PDZD2: variants seen among roughly 807,000 people sequenced by gnomAD.
The protein encoded by PDZD2 is PDZ domain containing 2.
In PDZD2, 90 loss-of-function variants were observed where a neutral mutation model predicts 220.7. That is an observed-to-expected ratio of 0.41 (90% CI 0.34 to 0.49). The LOEUF is 0.49. Among genes scored for constraint, PDZD2 ranks in the 20% least tolerant of loss-of-function variants. PDZD2 has a pLI of 0.28. For missense variants in PDZD2, 3,174 were observed against 3,608.5 expected (o/e 0.88, Z 3.08); for synonymous variants, 1,375 against 1,450.5 (o/e 0.95, Z 1.18).
chr5:31,844,095 C>A (rs1257190259), intron 2 of PDZD2: 1 of 152,106 alleles, frequency 6.6e-6, no homozygotes, highest in Non-Finnish European at 1.5e-5. Flanking sequence ...ATTGAGGGAG[C>A]TACCTACCCT....
At chr5:32,076,504 T>G (rs1218410590) in intron 18 of PDZD2, among the ~76,000 whole-genome samples, 1 of 152,172 alleles carries the variant, frequency 6.6e-6, no homozygotes, top group Non-Finnish European at 1.5e-5. Context: ...TTTATTTATA[T>G]CTGAGAAAGA....
At chr5:31,961,706 G>A (rs909466102) in intron 2 of PDZD2, among the ~76,000 whole-genome samples, 4 of 152,094 alleles carry the variant, frequency 2.6e-5, no homozygotes, top group Non-Finnish European at 4.4e-5. Context: ...GTGTGGTGGC[G>A]CAATCTCGGC....
intron 2 of PDZD2, among the ~76,000 whole-genome samples, chr5:31,888,751 G>C (rs908301778): frequency 1.3e-5 from 2 of 152,162 alleles, no homozygotes; most frequent in Non-Finnish European, 2.9e-5. Context: ...AGAGAAGTCC[G>C]TAAGCTTGAC....
intron 1 of PDZD2, among the ~76,000 whole-genome samples, chr5:31,709,317 A>G (rs1008320012): frequency 6.6e-6 from 1 of 151,734 alleles, no homozygotes; most frequent in Non-Finnish European, 1.5e-5. Flanking sequence ...TGAGACCCCC[A>G]TCTCTACAGA....
intron 1 of PDZD2, among the ~76,000 whole-genome samples, chr5:31,730,378 C>A (rs1749452113): frequency 6.6e-6 from 1 of 152,142 alleles, no homozygotes; most frequent in Admixed American, 6.6e-5. Flanking sequence ...ATTACTATTT[C>A]CACAGGACCT....
At chr5:31,860,624 C>A (rs567725485) in intron 2 of PDZD2, among the ~76,000 whole-genome samples, 1 of 152,246 alleles carries the variant, frequency 6.6e-6, no homozygotes, top group Non-Finnish European at 1.5e-5. Context: ...CACTCGGGGC[C>A]ACATTTCAGG....
At position 32,079,270 on chromosome 5, in the gene PDZD2, A is replaced by C. The variant is rs865949918; in HGVS notation, c.3682+1664A>C. ...TGAGACTCTGTCTCAAAAAAAAAACAAAAAAAAAACAAAAAAAAAAAAGGA... is the reference window on the plus strand; with the variant it reads ...TGAGACTCTGTCTCAAAAAAAAAACCAAAAAAAAACAAAAAAAAAAAAGGA... On this transcript the variant is annotated intron_variant, in intron 19 of 24. Coordinates refer to ENST00000438447, the MANE Select transcript of PDZD2 (RefSeq NM_178140.4). Among the ~76,000 whole-genome samples, 198 of 132,170 alleles carry C rather than the reference A, an allele frequency of 1.5e-3. 1 individual carries two copies. Among genetic ancestry groups the C allele is most frequent in the African/African-American group, 3.4e-3 (116 of 34,230 alleles). 86.7% of individuals were successfully genotyped at this position (132,170 alleles called of 152,430 possible). A position where few individuals can be genotyped will look rare whatever the true frequency, so the allele number is the denominator to read the frequency against.
chr5:31,922,675 G>C (rs1401165499), intron 2 of PDZD2, among the ~76,000 whole-genome samples: 1 of 151,908 alleles, frequency 6.6e-6, no homozygotes, highest in Non-Finnish European at 1.5e-5. Context: ...CTTTTGTTTT[G>C]TTTTGTTTTT....
chr5:31,850,176 A>ATATATG (rs1757945545), intron 2 of PDZD2, among the ~76,000 whole-genome samples: 6 of 127,816 alleles, frequency 4.7e-5, no homozygotes, highest in African/African-American at 1.8e-4. Context: ...ATATATAAGT[A>ATATATG]TATATATAAG....
At chr5:32,008,306 T>G (rs1753013942) in intron 5 of PDZD2, among the ~76,000 whole-genome samples, 1 of 151,146 alleles carries the variant, frequency 6.6e-6, no homozygotes, top group Non-Finnish European at 1.5e-5. Context: ...TTTTTCTTTT[T>G]TTTGGAGATG....
rs549783402 is a variant in PDZD2, at chr5:31,829,463, G to A, written c.476+29739G>A. ...CTGTCTCAGCAGAGTAGATGGGATT[G>A]CAGGCACCACACCTCGCTAATTTTT... On this transcript the variant is annotated intron_variant, in intron 2 of 24. Transcript: ENST00000438447. Among the ~76,000 whole-genome samples the A allele has an allele frequency of 1.4e-3, 209 of 151,688 alleles. 1 individual carries two copies. The highest frequency in any genetic ancestry group is 4.9e-3 in the African/African-American group (204 of 41,352).
chr5:32,047,970 GGTTAGTA>G (rs1162897624), intron 7 of PDZD2, among the ~76,000 whole-genome samples: 7 of 152,174 alleles, frequency 4.6e-5, no homozygotes, highest in Admixed American at 6.5e-5. Flanking sequence ...GGTGAAGGAT[GGTTAGTA>G]GCACAAAGGG....
rs756642743 is a variant in PDZD2 at position 32,072,253 on chromosome 5, C to T, written c.2661C>T (p.Asp887=). The T allele has an allele frequency of 6.2e-6, 10 of 1,613,890 alleles. No individual in the cohort carries two copies. The Admixed American group carries it at 1.3e-4, about 22-fold the overall frequency. The change falls in exon 17 of 25, where the codon GAC becomes GAT. Residue 887 remains aspartate, a synonymous_variant. Transcript: ENST00000438447. ...LSDFMVAGSE[D]EDHPGSGCST... ...ACTTCATGGTGGCCGGTTCTGAGGA[C>T]GAGGATCACCCGGGAAGTGGCTGCA...
At chr5:32,013,412 T>A (rs1390762982) in intron 6 of PDZD2, among the ~76,000 whole-genome samples, 4 of 151,906 alleles carry the variant, frequency 2.6e-5, no homozygotes, top group Admixed American at 6.6e-5. Flanking sequence ...TTATAGTAAT[T>A]TACACTTGTA....
At chr5:31,732,058 G>C (rs908836144) in intron 1 of PDZD2, among the ~76,000 whole-genome samples, 2 of 152,216 alleles carry the variant, frequency 1.3e-5, no homozygotes, top group Non-Finnish European at 2.9e-5. Flanking sequence ...CAGGAAGTCT[G>C]TCTGGAACAA....
At position 31,877,969 on chromosome 5, in the gene PDZD2, G is replaced by A. The variant is rs771818381; in HGVS notation, c.476+78245G>A. ...CTCCCAAAGTGCTGGGATTACAGGCGTGAGCCACCACGCCTGGACTATTTT... is the reference window on the plus strand; with the variant it reads ...CTCCCAAAGTGCTGGGATTACAGGCATGAGCCACCACGCCTGGACTATTTT... On this transcript the variant is annotated intron_variant, in intron 2 of 24. Transcript: ENST00000438447. 2.6e-5 allele frequency among the ~76,000 whole-genome samples: 4 copies of A among 152,184 alleles called. No homozygotes were observed. In the East Asian group the frequency reaches 5.8e-4, roughly 22 times the overall value.
intron 7 of PDZD2, among the ~76,000 whole-genome samples, chr5:32,039,289 T>C (rs1219535016): frequency 2.0e-5 from 3 of 151,916 alleles, no homozygotes; most frequent in African/African-American, 4.8e-5. Context: ...GTATTTTTGG[T>C]GGAGACGGGG....
At chr5:31,833,335 G>A (rs1163215724) in intron 2 of PDZD2, among the ~76,000 whole-genome samples, 1 of 152,086 alleles carries the variant, frequency 6.6e-6, no homozygotes, top group African/African-American at 2.4e-5. Flanking sequence ...AGATGTAGTG[G>A]CACATGCCTG....
intron 1 of PDZD2, among the ~76,000 whole-genome samples, chr5:31,775,682 T>TGTGTGTGTGTGTGTGA (rs1481128410): frequency 1.3e-5 from 2 of 151,124 alleles, no homozygotes; most frequent in African/African-American, 4.9e-5. Flanking sequence ...TGTGTGTGTG[T>TGTGTGTGTGTGTGTGA]GTGTGTGTGT....
Sources: gnomAD v4.1 joint callset for allele counts (sites outside exome capture counted in the v4.1 genomes callset) on GRCh38, gnomAD v4.1.1 for gene constraint, MANE v1.5 for transcripts, NCBI Gene and HGNC (gene_info 2026-07-23, HGNC 2026-07-21) for gene names.